Variants in COL15A1 observed in about 807,000 individuals in gnomAD.
COL15A1 encodes the protein collagen alpha-1(XV) chain.
Under a neutral mutation model 165.9 loss-of-function variants are expected in COL15A1, and 111 were observed. The observed-to-expected ratio is 0.67, with a 90% confidence interval of 0.57 to 0.78. The LOEUF (loss-of-function observed/expected upper bound fraction) is 0.78. Ranked by LOEUF, COL15A1 falls within the 30% of genes least tolerant of loss-of-function variation. The pLI is 0.00. For synonymous variants in COL15A1, 659 were observed against 674.8 expected, an observed-to-expected ratio of 0.98 and a Z score of 0.36; for missense variants, 1,745 against 1,789.7, an observed-to-expected ratio of 0.98 and a Z score of 0.45.
intron 35 of COL15A1, among the ~76,000 whole-genome samples, chr9:99,057,131 C>T (rs568924368): frequency 9.2e-5 from 14 of 152,128 alleles, no homozygotes; most frequent in Non-Finnish European, 1.8e-4. Context: ...GACTGTTTTC[C>T]GAAGGAGTCA....
intron 35 of COL15A1, among the ~76,000 whole-genome samples, chr9:99,056,744 T>A (rs546208756): frequency 5.0e-4 from 76 of 152,198 alleles, no homozygotes; most frequent in Non-Finnish European, 8.2e-4. Flanking sequence ...TGGGCAACCA[T>A]GAATCTACTT....
At chr9:99,003,661 C>T in intron 8 of COL15A1, 74 bp downstream of exon 8, 2 of 1,403,472 alleles carry the variant, frequency 1.4e-6, no homozygotes, top group South Asian at 1.7e-5. Flanking sequence ...GGAGCAGTCA[C>T]TGGCTTTCCC....
At chr9:98,991,154 G>A (rs114564961) in intron 5 of COL15A1, among the ~76,000 whole-genome samples, 29 of 152,140 alleles carry the variant, frequency 1.9e-4, no homozygotes, top group Non-Finnish European at 2.6e-4. Context: ...CACTAACAGC[G>A]ATATTTATTG....
Position 99,015,451 on chromosome 9 carries a change from C to T in COL15A1, c.1388C>T (p.Ala463Val), listed in dbSNP as rs1029921600. The T allele has an allele frequency of 1.9e-6, 3 of 1,606,960 alleles. No individual in the cohort carries two copies. In the African/African-American group the frequency reaches 4.0e-5, roughly 21 times the overall value. Residue 463 changes from alanine (A) to valine (V), a missense_variant, in exon 10 of 42, where the codon GCA becomes GTA. By Grantham distance (64) the Ala-to-Val change is moderately conservative. Coordinates refer to ENST00000375001, the MANE Select transcript of COL15A1 (RefSeq NM_001855.5). ...PSSEDSLTTA[A>V]AATEVSLSTF... ...AGTGAAGACAGTTTAACAACAGCTG[C>T]AGCTGCAACCGAAGTGTCCCTCAGT...
chr9:98,978,899 A>G (rs1838187386), intron 2 of COL15A1, among the ~76,000 whole-genome samples: 1 of 152,122 alleles, frequency 6.6e-6, no homozygotes, highest in Non-Finnish European at 1.5e-5. Context: ...GTATTCTTCT[A>G]GAGCTATTGT....
rs754678870 is a variant in COL15A1 at position 99,023,366 on chromosome 9, G to C, written c.1771G>C (p.Glu591Gln). 1.2e-6 allele frequency: 2 copies of C among 1,607,864 alleles called. No individual in the cohort carries two copies. Among genetic ancestry groups the C allele is most frequent in the South Asian group, 2.2e-5 (2 of 90,502 alleles). ...TTTCTTCTCTTTCCAGGCAGGAGCA[G>C]AAGCAGAGGGCTCTGGCCTAGGCTG... ...SGPVGPTAGA[E>Q]AEGSGLGWGS... Residue 591 changes from glutamate to glutamine, a missense_variant, in exon 14 of 42, where the codon GAA (glutamate) becomes CAA (glutamine). Glu to Gln is a conservative substitution (Grantham distance 29). Transcript: ENST00000375001.
chr9:99,017,063 T>A (rs1221904944), intron 11 of COL15A1, among the ~76,000 whole-genome samples: 1 of 152,214 alleles, frequency 6.6e-6, no homozygotes, highest in East Asian at 1.9e-4. Flanking sequence ...ACTGGACACA[T>A]AGCGGCTCTG....
chr9:98,965,088 G>A (rs925480591), intron 2 of COL15A1, among the ~76,000 whole-genome samples: 7 of 152,184 alleles, frequency 4.6e-5, no homozygotes, highest in Non-Finnish European at 5.9e-5. Context: ...CCAAACTATC[G>A]CCTTCGCACC....
Position 99,060,882 on chromosome 9 carries a change from G to GA in COL15A1, c.3402+937dup, listed in dbSNP as rs199621329. Among the ~76,000 whole-genome samples the GA allele has an allele frequency of 6.0e-3, 908 of 151,440 alleles. 10 individuals are homozygous for GA. The highest frequency in any genetic ancestry group is 0.021 in the African/African-American group (867 of 41,304). ...GTGAAAAAGCAATACCCCATCTCTA[G>GA]AAAAAAAAGAAAAAACAAAACAACA... is the stretch of plus-strand genomic sequence containing the variant. On this transcript the variant is annotated intron_variant, in intron 36 of 41. Transcript: ENST00000375001.
intron 2 of COL15A1, among the ~76,000 whole-genome samples, chr9:98,971,865 C>T (rs574233993): frequency 3.3e-5 from 5 of 152,168 alleles, no homozygotes; most frequent in African/African-American, 1.2e-4. Flanking sequence ...ACCCCACGCT[C>T]TCTCTCTCTG....
rs1297235164 is a variant in COL15A1 at position 99,049,753 on chromosome 9, A to C, written c.2857A>C (p.Lys953Gln). 6 of 1,614,200 alleles carry C rather than the reference A, an allele frequency of 3.7e-6. No individual in the cohort carries two copies. Among genetic ancestry groups the C allele is most frequent in the Non-Finnish European group, 5.1e-6 (6 of 1,180,034 alleles). Residue 953 changes from lysine (K) to glutamine (Q), a missense_variant, in exon 29 of 42, where the codon AAA becomes CAA. Physicochemically the swap from Lys to Gln is moderately conservative, Grantham distance 53. Transcript: ENST00000375001. The part of the protein sequence containing the change: ...PGPPGAVINI[K>Q]GAIFPIPVRP... ...GCCACCTGGAGCTGTGATTAACATC[A>C]AAGGAGTAAGTTGGCACGCAGTGGG...
At chr9:99,065,260 T>C (rs1455209586) in intron 39 of COL15A1, among the ~76,000 whole-genome samples, 1 of 152,082 alleles carries the variant, frequency 6.6e-6, no homozygotes, top group Non-Finnish European at 1.5e-5. Flanking sequence ...GCCTGTGCCT[T>C]TCTTAGGTGG....
In COL15A1 at chr9:99,035,107, C is replaced by T. The variant is rs1452864899; in HGVS notation, c.2173C>T (p.Pro725Ser). The T allele has an allele frequency of 5.6e-6, 9 of 1,603,004 alleles. No individual in the cohort carries two copies. Among genetic ancestry groups the T allele is most frequent in the Non-Finnish European group, 7.7e-6 (9 of 1,173,844 alleles). Residue 725 changes from proline (P) to serine (S), a missense_variant, in exon 18 of 42, where the codon CCC (proline) becomes TCC (serine). Physicochemically the swap from Pro to Ser is moderately conservative, Grantham distance 74. Coordinates refer to ENST00000375001, the MANE Select transcript of COL15A1 (RefSeq NM_001855.5). ...GVMGPPGPPG[P>S]PGPPGPGCTM... ...CATGGGACCCCCAGGGCCTCCTGGACCCCCTGGGCCCCCAGGCCCTGGATG... is the reference window on the plus strand; with the variant it reads ...CATGGGACCCCCAGGGCCTCCTGGATCCCCTGGGCCCCCAGGCCCTGGATG...
At chr9:98,978,331 C>T (rs1391059789) in intron 2 of COL15A1, among the ~76,000 whole-genome samples, 1 of 152,148 alleles carries the variant, frequency 6.6e-6, no homozygotes, top group African/African-American at 2.4e-5. Context: ...CGCCTGAACG[C>T]TTAACCTGGC....
At chr9:99,055,939 C>G (rs1414738584) in intron 34 of COL15A1, among the ~76,000 whole-genome samples, 1 of 152,212 alleles carries the variant, frequency 6.6e-6, no homozygotes, top group Non-Finnish European at 1.5e-5. Flanking sequence ...ATCTAATTTG[C>G]TTCATGATCT....
rs112501138 is a variant in COL15A1, at chr9:98,970,230, T to C, written c.101-15335T>C. Among the ~76,000 whole-genome samples the C allele has an allele frequency of 7.5e-3, 1,141 of 152,314 alleles. 9 individuals carry two copies. The highest frequency in any genetic ancestry group is 0.025 in the African/African-American group (1,024 of 41,570). ...GCACTTACCTATGCCAGGCTCTGGA[T>C]TACATGCCAGGCATCACCTGTTCAC... On this transcript the variant is annotated intron_variant, in intron 2 of 41. Transcript: ENST00000375001.
Position 99,025,918 on chromosome 9 carries a change from G to T in COL15A1, c.1995G>T (p.Gln665His), listed in dbSNP as rs953642687. ...ATGTTCCCCAGGGCCCTGAGGGACA[G>T]CCTGGAGTTGATGGAGCCACCGGCC... ...GEPGPPGPEG[Q>H]PGVDGATGLP... Residue 665 changes from glutamine to histidine, a missense_variant, in exon 16 of 42, where the codon CAG becomes CAT. By Grantham distance (24) the Gln-to-His change is conservative (BLOSUM62 0). Transcript: ENST00000375001. 6.2e-6 allele frequency: 10 copies of T among 1,613,170 alleles called. No individual in the cohort carries two copies. The highest frequency in any genetic ancestry group is 7.6e-6 in the Non-Finnish European group (9 of 1,179,712).
intron 2 of COL15A1, among the ~76,000 whole-genome samples, chr9:98,982,056 C>A (rs1047796054): frequency 2.6e-5 from 4 of 152,040 alleles, no homozygotes; most frequent in Admixed American, 1.3e-4. Flanking sequence ...CTACCTTGGC[C>A]TCCTAAAACA....
At chr9:99,047,861 A>G (rs1839518971) in intron 27 of COL15A1, 22 bp downstream of exon 27, 1 of 1,613,578 alleles carries the variant, frequency 6.2e-7, no homozygotes. Context: ...TGTTCATTGG[A>G]CAGGCTGGAG....
Sources: gnomAD v4.1 joint callset for allele counts (sites outside exome capture counted in the v4.1 genomes callset) on GRCh38, gnomAD v4.1.1 for gene constraint, MANE v1.5 for transcripts, NCBI Gene and HGNC (gene_info 2026-07-23, HGNC 2026-07-21) for gene names.